PXDNL: variants seen among roughly 807,000 people sequenced by gnomAD.
PXDNL encodes the protein peroxidasin like, also known as probable oxidoreductase PXDNL.
PXDNL carries 145 observed loss-of-function variants against 150.8 expected under a neutral mutation model. The observed-to-expected ratio is 0.96, with a 90% confidence interval of 0.84 to 1.10. The LOEUF (loss-of-function observed/expected upper bound fraction) is 1.10. Ranked by LOEUF, PXDNL falls within the 50% of genes least tolerant of loss-of-function variation. The probability of loss-of-function intolerance (pLI) is 0.00; values close to 1 mark genes in which losing one functional copy is unlikely to be tolerated. For synonymous variants in PXDNL, 757 were observed against 725.7 expected, an observed-to-expected ratio of 1.04 and a Z score of -0.69; for missense variants, 2,087 against 1,873.9, an observed-to-expected ratio of 1.11 and a Z score of -2.10.
chr8:51,439,895 T>C (rs186798664), intron 12 of PXDNL, among the ~76,000 whole-genome samples: 1 of 151,808 alleles, frequency 6.6e-6, no homozygotes, highest in Non-Finnish European at 1.5e-5. Flanking sequence ...ACTGGATATT[T>C]ACCCAGAGGA....
chr8:51,499,203 C>T (rs749745393), intron 5 of PXDNL, among the ~76,000 whole-genome samples: 1 of 152,194 alleles, frequency 6.6e-6, no homozygotes, highest in Non-Finnish European at 1.5e-5. Flanking sequence ...GATCTCGGCT[C>T]ACTGCAACCT....
At chr8:51,716,165 C>T (rs142561395) in intron 1 of PXDNL, among the ~76,000 whole-genome samples, 25 of 152,296 alleles carry the variant, frequency 1.6e-4, no homozygotes, top group African/African-American at 6.0e-4. Context: ...AACAAAATTC[C>T]ATGTGGGTGC....
intron 1 of PXDNL, among the ~76,000 whole-genome samples, chr8:51,659,366 G>A (rs1290891049): frequency 6.6e-6 from 1 of 152,192 alleles, no homozygotes; most frequent in East Asian, 1.9e-4. Flanking sequence ...AGCACAAGCT[G>A]ATGAAGCTGG....
chr8:51,433,144 G>C (rs936180574), intron 12 of PXDNL, among the ~76,000 whole-genome samples: 3 of 151,888 alleles, frequency 2.0e-5, no homozygotes, highest in Middle Eastern at 3.4e-3. Flanking sequence ...GAGAGGCAGA[G>C]ATTGCGGTGA....
chr8:51,408,646 T>C lies in PXDNL; in HGVS notation c.2978A>G (p.Glu993Gly). Reference sequence around the variant, plus strand: ...GGCTTCCTGGTAAACCGTGTTTCCCTCCCAGTGGGGGTTCAGGGCGGACAG... The same window carrying C: ...GGCTTCCTGGTAAACCGTGTTTCCCCCCCAGTGGGGGTTCAGGGCGGACAG... ...TELSALNPHWEGNTVYQEARK... is the reference protein window; with the variant it reads ...TELSALNPHWGGNTVYQEARK... Residue 993 changes from glutamate (E) to glycine (G), a missense_variant, in exon 17 of 23, where the codon GAG becomes GGG. Transcript: ENST00000356297. 1 of 1,606,512 alleles carries C rather than the reference T, an allele frequency of 6.2e-7. No individual in the cohort carries two copies. The highest frequency in any genetic ancestry group is 8.5e-7 in the Non-Finnish European group (1 of 1,176,340).
At chr8:51,351,527 A>G (rs1233964371) in intron 19 of PXDNL, among the ~76,000 whole-genome samples, 1 of 152,182 alleles carries the variant, frequency 6.6e-6, no homozygotes, top group African/African-American at 2.4e-5. Flanking sequence ...CCCTGCCAGC[A>G]CTTGATCTTA....
intron 12 of PXDNL, among the ~76,000 whole-genome samples, chr8:51,439,562 C>T (rs1244189233): frequency 2.0e-5 from 3 of 152,062 alleles, no homozygotes; most frequent in Admixed American, 6.6e-5. Flanking sequence ...TGGTGGCTTA[C>T]GCTTGTAATC....
intron 2 of PXDNL, among the ~76,000 whole-genome samples, chr8:51,613,234 C>T (rs1360025837): frequency 6.6e-6 from 1 of 151,594 alleles, no homozygotes; most frequent in Non-Finnish European, 1.5e-5. Flanking sequence ...ATATATATGG[C>T]CAGAGGGATG....
rs193275382 is a variant in PXDNL at position 51,805,768 on chromosome 8, T to C, written c.164+3413A>G. Among the ~76,000 whole-genome samples the C allele has an allele frequency of 2.7e-4, 41 of 152,340 alleles. No individual in the cohort carries two copies. In the East Asian group the frequency reaches 3.3e-3, roughly 12 times the overall value. On this transcript the variant is annotated intron_variant, in intron 1 of 22. Transcript: ENST00000356297. ...ACAGCCCTAAGCTTAAAACTTTTTCTAATCAAGGTGGTTTTTAGAGCATGT... is the reference window on the plus strand; with the variant it reads ...ACAGCCCTAAGCTTAAAACTTTTTCCAATCAAGGTGGTTTTTAGAGCATGT...
In PXDNL at chr8:51,592,631, A is replaced by G; in HGVS notation, c.304T>C (p.Tyr102His). 6.5e-7 allele frequency: 1 copy of G among 1,544,224 alleles called. No homozygotes were observed. The highest frequency in any genetic ancestry group is 8.8e-7 in the Non-Finnish European group (1 of 1,142,432). Residue 102 changes from tyrosine (Y) to histidine (H), a missense_variant, in exon 3 of 23, where the codon TAT becomes CAT. Coordinates refer to ENST00000356297, the MANE Select transcript of PXDNL (RefSeq NM_144651.5). ...NAFEGLENLLYLYLYKNEIHA... is the reference protein window; with the variant it reads ...NAFEGLENLLHLYLYKNEIHA... Reference sequence around the variant, plus strand: ...TTGTTTTTTCTTATAACTTACAGATATAGCAAATTTTCAAGTCCTTCAAAA... The same window carrying G: ...TTGTTTTTTCTTATAACTTACAGATGTAGCAAATTTTCAAGTCCTTCAAAA...
Position 51,592,648 on chromosome 8 carries a change from C to A in PXDNL, c.287G>T (p.Gly96Val). 1.3e-6 allele frequency: 2 copies of A among 1,548,080 alleles called. No homozygotes were observed. The highest frequency in any genetic ancestry group is 1.7e-6 in the Non-Finnish European group (2 of 1,145,850). Residue 96 changes from glycine (G) to valine (V), a missense_variant, in exon 3 of 23, where the codon GGA becomes GTA. Transcript: ENST00000356297. ...TTACAGATATAGCAAATTTTCAAGT[C>A]CTTCAAAAGCATTTCTGGAAATCTT... ...IRKISRNAFE[G>V]LENLLYLYLY...
intron 3 of PXDNL, among the ~76,000 whole-genome samples, chr8:51,575,104 A>G (rs146857901): frequency 0.011 from 1,627 of 152,182 alleles, 32 homozygotes; most frequent in African/African-American, 0.034. Flanking sequence ...GAAAATAGTT[A>G]AGACAATTAT....
At chr8:51,332,065 A>G (rs75725503) in intron 21 of PXDNL, among the ~76,000 whole-genome samples, 5,342 of 152,230 alleles carry the variant, frequency 0.035, 192 homozygotes, top group African/African-American at 0.087. Context: ...AAGAAACGTC[A>G]TGGAATCCAC....
chr8:51,496,326 C>T lies in PXDNL; in HGVS notation c.452+3373G>A, dbSNP rs1336150534. Among the ~76,000 whole-genome samples the T allele has an allele frequency of 5.3e-5, 8 of 152,284 alleles. 1 individual carries two copies. The South Asian group carries it at 1.2e-3, about 24-fold the overall frequency. On this transcript the variant is annotated intron_variant, in intron 5 of 22. Transcript: ENST00000356297. ...TGACAAACCTACAGCCAATATCATACTGAATGGGCAAAAACTGGAAGCATT... is the reference window on the plus strand; with the variant it reads ...TGACAAACCTACAGCCAATATCATATTGAATGGGCAAAAACTGGAAGCATT...
rs879843437 is a variant in PXDNL at position 51,782,762 on chromosome 8, C to A, written c.164+26419G>T. Among the ~76,000 whole-genome samples, 4 of 152,136 alleles carry A rather than the reference C, an allele frequency of 2.6e-5. No individual in the cohort carries two copies. In the East Asian group the frequency reaches 7.7e-4, roughly 29 times the overall value. ...CCAAGTCATGGTACTTATCATGAAG[C>A]CAAGTTATCTAACAACAATCTTCTG... On this transcript the variant is annotated intron_variant, in intron 1 of 22. Transcript: ENST00000356297.
At chr8:51,458,814 G>GA in intron 8 of PXDNL, among the ~76,000 whole-genome samples, 1 of 152,216 alleles carries the variant, frequency 6.6e-6, no homozygotes, top group Non-Finnish European at 1.5e-5. Flanking sequence ...TTTTTGTTGT[G>GA]AAAGATAAGA....
At chr8:51,807,226 T>C (rs1349140561) in intron 1 of PXDNL, among the ~76,000 whole-genome samples, 2 of 152,202 alleles carry the variant, frequency 1.3e-5, no homozygotes, top group East Asian at 3.8e-4. Flanking sequence ...GCTTGGCTTC[T>C]GGGGAGGCCT....
chr8:51,684,493 C>G (rs566475202), intron 1 of PXDNL, among the ~76,000 whole-genome samples: 1 of 152,308 alleles, frequency 6.6e-6, no homozygotes, highest in South Asian at 2.1e-4. Flanking sequence ...TTACACACTG[C>G]ATATGCTTGT....
intron 1 of PXDNL, among the ~76,000 whole-genome samples, chr8:51,804,112 C>T (rs1238165630): frequency 6.6e-6 from 1 of 152,172 alleles, no homozygotes; most frequent in African/African-American, 2.4e-5. Context: ...AGACATGAGA[C>T]ATCAATCAGT....
Sources: allele counts gnomAD v4.1 joint callset (sites outside exome capture counted in the v4.1 genomes callset), GRCh38; gene constraint gnomAD v4.1.1; transcripts MANE v1.5; gene names NCBI Gene and HGNC (gene_info 2026-07-23, HGNC 2026-07-21).